ARHGAP26: variants seen among roughly 807,000 people sequenced by gnomAD.
ARHGAP26 encodes Rho GTPase activating protein 26, also known as rho GTPase-activating protein 26.
In ARHGAP26, 38 loss-of-function variants were observed where a neutral mutation model predicts 104.8. The observed-to-expected ratio is 0.36, with a 90% confidence interval of 0.28 to 0.48. The LOEUF (loss-of-function observed/expected upper bound fraction) is 0.48, where lower values mean the gene tolerates loss of function less well. ARHGAP26 is among the 20% of genes least tolerant of loss of function. The probability of loss-of-function intolerance (pLI) is 0.99; values close to 1 mark genes in which losing one functional copy is unlikely to be tolerated. For missense variants in ARHGAP26, 704 were observed against 947.9 expected (o/e 0.74, Z 3.38); for synonymous variants, 341 against 340.0 (o/e 1.00, Z -0.03).
At chr5:143,191,201 T>C (rs944016541) in intron 20 of ARHGAP26, among the ~76,000 whole-genome samples, 1 of 152,258 alleles carries the variant, frequency 6.6e-6, no homozygotes, top group Non-Finnish European at 1.5e-5. Flanking sequence ...TCAATAAAGC[T>C]GTTTTAAACT....
intron 19 of ARHGAP26, among the ~76,000 whole-genome samples, chr5:143,142,712 C>T (rs1424106354): frequency 6.6e-6 from 1 of 152,094 alleles, no homozygotes; most frequent in Non-Finnish European, 1.5e-5. Flanking sequence ...CCAAGCTTCC[C>T]ATGTACTTGG....
At chr5:142,902,550 C>G (rs927173786) in intron 7 of ARHGAP26, among the ~76,000 whole-genome samples, 16 of 152,368 alleles carry the variant, frequency 1.1e-4, no homozygotes, top group African/African-American at 3.8e-4. Flanking sequence ...GGTTTAAACA[C>G]AGGACCTTTT....
intron 19 of ARHGAP26, among the ~76,000 whole-genome samples, chr5:143,136,600 A>G (rs541829375): frequency 6.6e-6 from 1 of 152,156 alleles, no homozygotes; most frequent in Non-Finnish European, 1.5e-5. Context: ...TACTATCCAA[A>G]CCGGCATGGA....
At chr5:142,979,014 A>G (rs966475599) in intron 11 of ARHGAP26, among the ~76,000 whole-genome samples, 3 of 152,206 alleles carry the variant, frequency 2.0e-5, no homozygotes, top group Non-Finnish European at 2.9e-5. Context: ...ATGAAATGCA[A>G]TGTGTGGACT....
intron 20 of ARHGAP26, among the ~76,000 whole-genome samples, chr5:143,200,700 C>T (rs1283587328): frequency 1.3e-5 from 2 of 152,094 alleles, no homozygotes; most frequent in South Asian, 2.1e-4. Context: ...TGGTATTTTC[C>T]AATTTTCTAC....
intron 17 of ARHGAP26, among the ~76,000 whole-genome samples, chr5:143,108,891 C>G (rs930641001): frequency 6.6e-6 from 1 of 152,172 alleles, no homozygotes; most frequent in Non-Finnish European, 1.5e-5. Context: ...AAGCTCTCAG[C>G]GCAAGCTCTC....
chr5:142,773,480 T>C (rs1193903009), intron 1 of ARHGAP26, among the ~76,000 whole-genome samples: 1 of 152,236 alleles, frequency 6.6e-6, no homozygotes, highest in African/African-American at 2.4e-5. Flanking sequence ...ATTGTTACTA[T>C]TACTTCCACT....
At chr5:142,931,876 C>T (rs1228525620) in intron 10 of ARHGAP26, among the ~76,000 whole-genome samples, 171 bp from the exon 11 acceptor site, 1 of 152,162 alleles carries the variant, frequency 6.6e-6, no homozygotes, top group African/African-American at 2.4e-5. Context: ...GAATTTGGGC[C>T]ATCCTTTCTG....
At chr5:142,902,845 G>A (rs1262001389) in intron 7 of ARHGAP26, among the ~76,000 whole-genome samples, 1 of 152,196 alleles carries the variant, frequency 6.6e-6, no homozygotes, top group Non-Finnish European at 1.5e-5. Context: ...AATCGAGATT[G>A]ACATGCAGTG....
At chr5:143,140,787 C>T (rs1798424423) in intron 19 of ARHGAP26, among the ~76,000 whole-genome samples, 1 of 152,142 alleles carries the variant, frequency 6.6e-6, no homozygotes, top group Non-Finnish European at 1.5e-5. Context: ...CCTTGTTTTA[C>T]ATGGATCATG....
At chr5:143,209,100 G>C (rs1460110158) in intron 21 of ARHGAP26, among the ~76,000 whole-genome samples, 1 of 152,178 alleles carries the variant, frequency 6.6e-6, no homozygotes, top group Admixed American at 6.5e-5. Context: ...TCAAAATGGA[G>C]TAAAAATCTT....
At chr5:142,965,205 A>G (rs1050627669) in intron 11 of ARHGAP26, among the ~76,000 whole-genome samples, 5 of 152,332 alleles carry the variant, frequency 3.3e-5, no homozygotes, top group African/African-American at 1.2e-4. Flanking sequence ...AAGGCGGACT[A>G]GGGGCATGAC....
intron 13 of ARHGAP26, among the ~76,000 whole-genome samples, chr5:143,039,357 G>C (rs768239086): frequency 1.3e-4 from 20 of 150,794 alleles, no homozygotes; most frequent in Non-Finnish European, 2.7e-4. Flanking sequence ...ACAGGCGCCT[G>C]CCACCATGCC....
At chr5:143,087,658 T>TTTTTTTTTTTTTTG (rs1790795251) in intron 17 of ARHGAP26, among the ~76,000 whole-genome samples, 1 of 139,110 alleles carries the variant, frequency 7.2e-6, no homozygotes, top group Non-Finnish European at 1.5e-5. Flanking sequence ...TTTTTTTTTT[T>TTTTTTTTTTTTTTG]TTTTGAGACG....
chr5:143,113,640 A>T (rs1002935545), intron 17 of ARHGAP26, among the ~76,000 whole-genome samples: 2 of 152,144 alleles, frequency 1.3e-5, no homozygotes, highest in Non-Finnish European at 2.9e-5. Flanking sequence ...TCATTTTCAT[A>T]GTTTTGTCAA....
At chr5:143,062,420 A>T (rs1786846676) in intron 17 of ARHGAP26, among the ~76,000 whole-genome samples, 1 of 152,126 alleles carries the variant, frequency 6.6e-6, no homozygotes, top group Non-Finnish European at 1.5e-5. Context: ...ATTATAAAGG[A>T]ATATTGTGGG....
intron 6 of ARHGAP26, among the ~76,000 whole-genome samples, chr5:142,899,564 A>G (rs1439258569): frequency 6.6e-6 from 1 of 152,168 alleles, no homozygotes; most frequent in Non-Finnish European, 1.5e-5. Flanking sequence ...GTGGGACTGC[A>G]GCAAGCTCTT....
At chr5:142,818,579 A>G (rs1018860741) in intron 1 of ARHGAP26, among the ~76,000 whole-genome samples, 7 of 152,190 alleles carry the variant, frequency 4.6e-5, no homozygotes, top group African/African-American at 1.7e-4. Flanking sequence ...TGGATCCTTT[A>G]TTTATTAGCT....
chr5:143,008,416 G>A (rs1462934795), intron 11 of ARHGAP26, among the ~76,000 whole-genome samples: 2 of 152,228 alleles, frequency 1.3e-5, no homozygotes, highest in Non-Finnish European at 2.9e-5. Context: ...CAGAGGAGAT[G>A]AGATGATATT....
Sources: gnomAD v4.1 joint callset for allele counts (sites outside exome capture counted in the v4.1 genomes callset) on GRCh38, gnomAD v4.1.1 for gene constraint, MANE v1.5 for transcripts, NCBI Gene and HGNC (gene_info 2026-07-23, HGNC 2026-07-21) for gene names.